The following USP37 variants were observed in gnomAD, a reference collection of about 807,000 sequenced individuals.
USP37 encodes the protein ubiquitin carboxyl-terminal hydrolase 37.
In USP37, 27 loss-of-function variants were observed where a neutral mutation model predicts 124.0. That is an observed-to-expected ratio of 0.22 (90% CI 0.16 to 0.30). USP37 has a LOEUF of 0.30. Ranked by LOEUF, USP37 falls within the 10% of genes least tolerant of loss-of-function variation. The pLI is 1.00. For missense variants in USP37, 889 were observed against 1,140.4 expected, an observed-to-expected ratio of 0.78 and a Z score of 3.17; for synonymous variants, 365 against 388.0, an observed-to-expected ratio of 0.94 and a Z score of 0.70.
chr2:218,540,563 G>A (rs1365674496), intron 8 of USP37, among the ~76,000 whole-genome samples: 1 of 152,160 alleles, frequency 6.6e-6, no homozygotes, highest in Non-Finnish European at 1.5e-5. Flanking sequence ...GACTGCTTAA[G>A]CCCAGGAGTT....
intron 5 of USP37, among the ~76,000 whole-genome samples, chr2:218,550,183 A>C (rs1028266872): frequency 6.6e-6 from 1 of 152,162 alleles, no homozygotes; most frequent in Non-Finnish European, 1.5e-5. Context: ...AGCAAAAAAA[A>C]AGCTAGAATA....
chr2:218,458,721 G>T (rs1176942820), intron 23 of USP37, among the ~76,000 whole-genome samples: 3 of 152,088 alleles, frequency 2.0e-5, no homozygotes, highest in African/African-American at 7.2e-5. Context: ...ATATTTATTT[G>T]AGGCAATATA....
chr2:218,450,717 C>T lies in USP37; in HGVS notation c.*4213G>A, dbSNP rs1689455857. Reference sequence around the variant, plus strand: ...TGACTGTTCTTCTTTGTTCTGGCATCTGACTGGACCAACCTGGAACCTGGT... The same window carrying T: ...TGACTGTTCTTCTTTGTTCTGGCATTTGACTGGACCAACCTGGAACCTGGT... On this transcript the variant is annotated 3_prime_UTR_variant, in exon 26 of 26. Transcript: ENST00000258399. 1.3e-5 allele frequency: 2 copies of T among 152,230 alleles called. No homozygotes were observed. Among genetic ancestry groups the T allele is most frequent in the Admixed American group, 1.3e-4 (2 of 15,272 alleles). 9.4% of individuals were successfully genotyped at this position (152,230 alleles called of 1,614,324 possible).
At chr2:218,528,917 G>A (rs1233678926) in intron 10 of USP37, 4 of 391,338 alleles carry the variant, frequency 1.0e-5, no homozygotes, top group African/African-American at 2.2e-5. Context: ...ATTCACTGCT[G>A]TAATACAGCT....
In USP37 at chr2:218,454,943, C is replaced by CG; in HGVS notation, c.2926dup (p.Arg976ProfsTer57). ...GGAGTTTGTTCCTCACAAGGCCTGA[C>CG]GGGTAGTCTTCCCCACTTCCGTGCT... On this transcript the variant is annotated frameshift_variant, in exon 26 of 26. Transcript: ENST00000258399. LOFTEE classifies it high-confidence loss of function. 2 of 1,614,092 alleles carry CG rather than the reference C, an allele frequency of 1.2e-6. No individual in the cohort carries two copies. Among genetic ancestry groups the CG allele is most frequent in the Non-Finnish European group, 1.7e-6 (2 of 1,180,006 alleles).
At chr2:218,519,882 C>T (rs1233432496) in intron 10 of USP37, among the ~76,000 whole-genome samples, 1 of 151,786 alleles carries the variant, frequency 6.6e-6, no homozygotes, top group Admixed American at 6.6e-5. Flanking sequence ...GGATTACAGG[C>T]GTGAGCCACC....
At chr2:218,459,004 T>C (rs773173101) in intron 23 of USP37, among the ~76,000 whole-genome samples, 9 of 151,644 alleles carry the variant, frequency 5.9e-5, no homozygotes, top group African/African-American at 9.7e-5. Context: ...CTGAGAGTAA[T>C]TGTGTTAGGA....
intron 25 of USP37, 67 bp from the exon 26 acceptor site, chr2:218,455,084 G>C: frequency 1.3e-6 from 2 of 1,581,078 alleles, no homozygotes; most frequent in Non-Finnish European, 1.7e-6. Flanking sequence ...ATAGGCAGGA[G>C]AAAAAGTAAA....
rs944954804 is a variant in USP37 at position 218,474,542 on chromosome 2, C to T, written c.2299+88G>A. The T allele has an allele frequency of 1.4e-5, 21 of 1,533,530 alleles. No homozygotes were observed. The African/African-American group carries it at 2.4e-4, about 17-fold the overall frequency. The allele number at this position is 1,533,530 out of a possible 1,614,324, so 95.0% of individuals were successfully genotyped here. On this transcript the variant is annotated intron_variant, in intron 20 of 25. Transcript: ENST00000258399. ...ATGCTCAGCTAATTTTTCTATTTAT[C>T]TCCCGTTATTTGGAGGTTATTTGTC...
At chr2:218,481,682 T>TC (rs1211864011) in intron 17 of USP37, among the ~76,000 whole-genome samples, 3 of 147,712 alleles carry the variant, frequency 2.0e-5, no homozygotes, top group Non-Finnish European at 4.4e-5. Flanking sequence ...TCTTTTCTTT[T>TC]CTTTTTTTTT....
chr2:218,517,270 A>G (rs1018415504), intron 10 of USP37, among the ~76,000 whole-genome samples: 4 of 152,190 alleles, frequency 2.6e-5, no homozygotes, highest in Non-Finnish European at 5.9e-5. Context: ...CCAACAAGAT[A>G]TTACTATTGT....
chr2:218,523,431 C>T (rs577019236), intron 10 of USP37, among the ~76,000 whole-genome samples: 2 of 152,314 alleles, frequency 1.3e-5, no homozygotes, highest in African/African-American at 4.8e-5. Flanking sequence ...TGGAACATTT[C>T]AGATTTCAGA....
intron 8 of USP37, among the ~76,000 whole-genome samples, chr2:218,535,040 AT>A (rs1242018575): frequency 1.3e-5 from 2 of 152,182 alleles, no homozygotes; most frequent in African/African-American, 4.8e-5. Flanking sequence ...AGATAAAATG[AT>A]TCAGCTACTA....
rs780867386 is a variant in USP37, at chr2:218,479,731, A to C, written c.1836-16T>G. On this transcript the variant is annotated splice_polypyrimidine_tract_variant and intron_variant, in intron 17 of 25. Transcript: ENST00000258399. ...TGGTCTAGAACTATCAGAAAATTAG[A>C]AAATATATAATGTATACAAATGAAT... 3 of 1,524,358 alleles carry C rather than the reference A, an allele frequency of 2.0e-6. No individual in the cohort carries two copies. The highest frequency in any genetic ancestry group is 2.7e-6 in the Non-Finnish European group (3 of 1,121,488). 94.4% of individuals were successfully genotyped at this position (1,524,358 alleles called of 1,614,324 possible). A position where few individuals can be genotyped will look rare whatever the true frequency, so the allele number is the denominator to read the frequency against.
At chr2:218,523,570 CG>C (rs138904755) in intron 10 of USP37, among the ~76,000 whole-genome samples, 1 of 151,088 alleles carries the variant, frequency 6.6e-6, no homozygotes, top group East Asian at 1.9e-4. Flanking sequence ...TGTTTTTTGG[CG>C]GGGGGGTCTT....
chr2:218,552,495 G>A (rs555007095), intron 5 of USP37, among the ~76,000 whole-genome samples: 4 of 152,108 alleles, frequency 2.6e-5, no homozygotes, highest in South Asian at 4.1e-4. Context: ...AAGGTCAATC[G>A]CTTGGGCCCA....
chr2:218,475,878 A>G (rs1425020710), intron 19 of USP37, among the ~76,000 whole-genome samples: 2 of 151,894 alleles, frequency 1.3e-5, no homozygotes, highest in East Asian at 1.9e-4. Context: ...GTGAGCCAAG[A>G]TCGTGCCACT....
At chr2:218,526,584 T>C (rs1690977877) in intron 10 of USP37, among the ~76,000 whole-genome samples, 2 of 152,124 alleles carry the variant, frequency 1.3e-5, no homozygotes, top group South Asian at 4.1e-4. Flanking sequence ...GCATCTTTTT[T>C]GACAAAATGT....
intron 17 of USP37, 46 bp downstream of exon 17, chr2:218,482,024 T>C: frequency 6.5e-7 from 1 of 1,531,696 alleles, no homozygotes; most frequent in Non-Finnish European, 8.8e-7. Flanking sequence ...CTAAAGCCTT[T>C]CTATTTCAAA....
Sources: allele counts gnomAD v4.1 joint callset (sites outside exome capture counted in the v4.1 genomes callset), GRCh38; gene constraint gnomAD v4.1.1; transcripts MANE v1.5; gene names NCBI Gene and HGNC (gene_info 2026-07-23, HGNC 2026-07-21).